The following NCAPG2 variants were observed in gnomAD, a reference collection of about 807,000 sequenced individuals.
The protein encoded by NCAPG2 is non-SMC condensin II complex subunit G2.
A neutral mutation model predicts 141.1 loss-of-function variants in NCAPG2; 53 were observed. The ratio of observed to expected loss-of-function variants is 0.38; its 90% CI spans 0.30 to 0.47. NCAPG2 has a LOEUF of 0.47. NCAPG2 is among the 20% of genes least tolerant of loss of function. NCAPG2 has a pLI of 0.99. For synonymous variants in NCAPG2, 499 were observed against 490.7 expected (o/e 1.02, Z -0.22); for missense variants, 1,087 against 1,389.0 (o/e 0.78, Z 3.46).
chr7:158,692,733 C>G, intron 4 of NCAPG2, 109 bp downstream of exon 4: 1 of 838,672 alleles, frequency 1.2e-6, no homozygotes, highest in Non-Finnish European at 1.9e-6. Context: ...AAGAGCGAAA[C>G]TCCGTCTCAA....
intron 9 of NCAPG2, 61 bp from the exon 10 acceptor site, chr7:158,680,877 T>C (rs1321174003): frequency 6.9e-6 from 9 of 1,295,556 alleles, no homozygotes; most frequent in South Asian, 1.4e-5. Flanking sequence ...TAAAATAAAA[T>C]GGCATTTGGA....
In NCAPG2 at chr7:158,668,140, CCT is replaced by C. The variant is rs1833331375; in HGVS notation, c.1479+3372_1479+3373del. Reference sequence around the variant, plus strand: ...GGGTCCCTCCGCCCTCCTTACCTACCCTCTGGCCCTCCACCCTCTTACCCACT... The same window carrying C: ...GGGTCCCTCCGCCCTCCTTACCTACCCTGGCCCTCCACCCTCTTACCCACT... On this transcript the variant is annotated intron_variant, in intron 13 of 27. Transcript: ENST00000356309. 3 of 151,958 alleles carry C rather than the reference CCT, an allele frequency of 2.0e-5. 1 individual carries two copies. The highest frequency in any genetic ancestry group is 1.4e-4 in the African/African-American group (3 of 21,838). The allele number at this position is 151,958 out of a possible 1,614,324, so 9.4% of individuals were successfully genotyped here.
At chr7:158,701,313 G>T (rs1359101342) in intron 2 of NCAPG2, among the ~76,000 whole-genome samples, 1 of 152,146 alleles carries the variant, frequency 6.6e-6, no homozygotes, top group African/African-American at 2.4e-5. Flanking sequence ...GTAGTCAGAG[G>T]AATATTTCCA....
intron 13 of NCAPG2, among the ~76,000 whole-genome samples, chr7:158,670,041 A>G (rs1440771236): frequency 6.6e-6 from 1 of 152,190 alleles, no homozygotes; most frequent in African/African-American, 2.4e-5. Context: ...ACTTACTGTA[A>G]GATCCACACA....
In NCAPG2 at chr7:158,655,370, T is replaced by C. The variant is rs1268117954; in HGVS notation, c.2474A>G (p.His825Arg). 1 of 1,614,178 alleles carries C rather than the reference T, an allele frequency of 6.2e-7. No individual in the cohort carries two copies. Among genetic ancestry groups the C allele is most frequent in the Non-Finnish European group, 8.5e-7 (1 of 1,180,034 alleles). The stretch of plus-strand genomic sequence containing the variant: ...CTGAAGATGGATGCTCAGGCGACAG[T>C]GGAGACCAAAGGCTCGCGGGGCAGC... The part of the protein sequence containing the change: ...EAAAPRAFGL[H>R]CRLSIHLQHK... The change falls in exon 20 of 28, where the codon CAC (histidine) becomes CGC (arginine). Residue 825 changes from histidine to arginine, a missense_variant. Coordinates refer to ENST00000356309, the MANE Select transcript of NCAPG2 (RefSeq NM_017760.7).
chr7:158,667,550 G>C (rs181871709), intron 13 of NCAPG2, among the ~76,000 whole-genome samples: 15 of 9,266 alleles, frequency 1.6e-3, no homozygotes, highest in African/African-American at 6.1e-3. Flanking sequence ...CCCTCCACCC[G>C]CTTACCCACT....
intron 8 of NCAPG2, among the ~76,000 whole-genome samples, chr7:158,684,207 G>A (rs1834618234): frequency 6.6e-6 from 1 of 152,216 alleles, no homozygotes; most frequent in Non-Finnish European, 1.5e-5. Context: ...AATGAAAGAT[G>A]AGATACACAG....
chr7:158,688,830 C>T (rs144276205), intron 6 of NCAPG2, among the ~76,000 whole-genome samples: 2,457 of 152,262 alleles, frequency 0.016, 32 homozygotes, highest in Admixed American at 0.023. Flanking sequence ...GATGGCTCGC[C>T]GGGGTCCAGT....
At chr7:158,674,605 A>G (rs968661486) in intron 12 of NCAPG2, among the ~76,000 whole-genome samples, 2 of 152,246 alleles carry the variant, frequency 1.3e-5, no homozygotes, top group African/African-American at 4.8e-5. Flanking sequence ...AACTTTTCCA[A>G]TACAGAAAAT....
At chr7:158,639,645 A>T (rs1830506192) in intron 27 of NCAPG2, among the ~76,000 whole-genome samples, 1 of 152,236 alleles carries the variant, frequency 6.6e-6, no homozygotes, top group Admixed American at 6.5e-5. Flanking sequence ...AACAGGGAAA[A>T]GTCATCCCAG....
At chr7:158,643,166 G>A (rs1341421757) in intron 27 of NCAPG2, among the ~76,000 whole-genome samples, 1 of 152,122 alleles carries the variant, frequency 6.6e-6, no homozygotes, top group Non-Finnish European at 1.5e-5. Flanking sequence ...ATTTCACCAT[G>A]TTGGCCAGGC....
chr7:158,689,710 G>T, intron 6 of NCAPG2, 109 bp downstream of exon 6: 1 of 1,006,816 alleles, frequency 9.9e-7, no homozygotes, highest in Non-Finnish European at 1.4e-6. Context: ...AATAGCTCCT[G>T]GTAGCTAAGC....
At chr7:158,680,671 A>T in intron 10 of NCAPG2, 50 bp downstream of exon 10, 1 of 1,228,826 alleles carries the variant, frequency 8.1e-7, no homozygotes, top group Non-Finnish European at 1.1e-6. Flanking sequence ...CTAAATTCAA[A>T]AGCACAAGTA....
At chr7:158,694,380 C>T (rs141188275) in intron 2 of NCAPG2, among the ~76,000 whole-genome samples, 60 of 152,244 alleles carry the variant, frequency 3.9e-4, no homozygotes, top group African/African-American at 1.2e-3. Flanking sequence ...CAGGAATTAT[C>T]GGGAGATGCT....
rs774624839 is a variant in NCAPG2 at position 158,686,208 on chromosome 7, G to C, written c.801C>G (p.Phe267Leu). Residue 267 changes from phenylalanine to leucine, a missense_variant, in exon 8 of 28, where the codon TTC becomes TTG. Transcript: ENST00000356309. The part of the protein sequence containing the change: ...SLMVYIAEIY[F>L]RAWKKASGKI... ...TCCCTGAAGCCTTTTTCCAAGCTCT[G>C]AAATAAATTTCTGCAATGTATACCA... 6.3e-7 allele frequency: 1 copy of C among 1,580,370 alleles called. No individual in the cohort carries two copies. Among genetic ancestry groups the C allele is most frequent in the South Asian group, 1.2e-5 (1 of 84,330 alleles).
At chr7:158,637,192 C>A (rs966541952) in intron 27 of NCAPG2, among the ~76,000 whole-genome samples, 2 of 152,200 alleles carry the variant, frequency 1.3e-5, no homozygotes, top group Non-Finnish European at 2.9e-5. Flanking sequence ...CGTGATCCAC[C>A]TGCCTTGGCC....
intron 13 of NCAPG2, among the ~76,000 whole-genome samples, chr7:158,671,244 AC>A (rs2129464413): frequency 6.6e-6 from 1 of 152,340 alleles, no homozygotes; most frequent in South Asian, 2.1e-4. Context: ...TCCAAATATT[AC>A]ACCAAATATC....
intron 2 of NCAPG2, 64 bp downstream of exon 2, chr7:158,701,758 G>T: frequency 2.2e-6 from 3 of 1,375,752 alleles, no homozygotes; most frequent in South Asian, 2.4e-5. Flanking sequence ...GGGACATAAT[G>T]ACTTTAGAAC....
At chr7:158,668,724 C>T (rs1833467928) in intron 13 of NCAPG2, among the ~76,000 whole-genome samples, 1 of 152,130 alleles carries the variant, frequency 6.6e-6, no homozygotes, top group Non-Finnish European at 1.5e-5. Flanking sequence ...AAGTTTTCTC[C>T]AATAATTGCC....
Sources: allele counts gnomAD v4.1 joint callset (sites outside exome capture counted in the v4.1 genomes callset), GRCh38; gene constraint gnomAD v4.1.1; transcripts MANE v1.5; gene names NCBI Gene and HGNC (gene_info 2026-07-23, HGNC 2026-07-21).